The following IGF2BP2 variants were observed in gnomAD, a reference collection of about 807,000 sequenced individuals.
IGF2BP2 encodes insulin like growth factor 2 mRNA binding protein 2.
A neutral mutation model predicts 75.8 loss-of-function variants in IGF2BP2; 17 were observed. The ratio of observed to expected loss-of-function variants is 0.22; its 90% confidence interval spans 0.15 to 0.34. The LOEUF (loss-of-function observed/expected upper bound fraction) is 0.34, where lower values mean the gene tolerates loss of function less well. IGF2BP2 is among the 10% of genes least tolerant of loss of function. IGF2BP2 has a pLI of 1.00. For missense variants in IGF2BP2, 516 were observed against 772.4 expected (o/e 0.67, Z 3.93); for synonymous variants, 288 against 295.6 (o/e 0.97, Z 0.26).
chr3:185,702,898 G>A (rs1723512240), intron 2 of IGF2BP2, among the ~76,000 whole-genome samples: 1 of 152,168 alleles, frequency 6.6e-6, no homozygotes, highest in South Asian at 2.1e-4. Context: ...CATTTTAACT[G>A]GAAGCAGAAT....
At chr3:185,805,061 G>A (rs1416317733) in intron 2 of IGF2BP2, among the ~76,000 whole-genome samples, 5 of 151,992 alleles carry the variant, frequency 3.3e-5, no homozygotes, top group Non-Finnish European at 1.5e-5. Flanking sequence ...CAATGTGATG[G>A]AAAATGCTCA....
intron 2 of IGF2BP2, among the ~76,000 whole-genome samples, chr3:185,751,181 C>T (rs944163807): frequency 6.6e-6 from 1 of 152,016 alleles, no homozygotes; most frequent in African/African-American, 2.4e-5. Flanking sequence ...CCACTGCCTC[C>T]GGCCAAAAAA....
intron 2 of IGF2BP2, among the ~76,000 whole-genome samples, chr3:185,709,905 G>A (rs1724560736): frequency 6.6e-6 from 1 of 152,180 alleles, no homozygotes; most frequent in Non-Finnish European, 1.5e-5. Flanking sequence ...ATTTCACCTG[G>A]ATTCTGGAGA....
chr3:185,738,618 T>C (rs1262474342), intron 2 of IGF2BP2, among the ~76,000 whole-genome samples: 6 of 152,202 alleles, frequency 3.9e-5, no homozygotes, highest in Non-Finnish European at 8.8e-5. Context: ...TTTTATTATA[T>C]GAAGGTTTAG....
Position 185,730,376 on chromosome 3 carries a change from C to T in IGF2BP2, c.240-32029G>A, listed in dbSNP as rs1727983234. On this transcript the variant is annotated intron_variant, in intron 2 of 15. Coordinates refer to ENST00000382199, the MANE Select transcript of IGF2BP2 (RefSeq NM_006548.6). Reference sequence around the variant, plus strand: ...AGTTGATGGGCACCCAGGTTGATTCCACGACTTTGCTATGGTGAACGGTAC... The same window carrying T: ...AGTTGATGGGCACCCAGGTTGATTCTACGACTTTGCTATGGTGAACGGTAC... Among the ~76,000 whole-genome samples, 6 of 151,650 alleles carry T rather than the reference C, an allele frequency of 4.0e-5. No homozygotes were observed. In the South Asian group the frequency reaches 1.3e-3, roughly 32 times the overall value.
chr3:185,680,377 AAAG>A (rs1720189387), intron 7 of IGF2BP2, among the ~76,000 whole-genome samples: 1 of 152,210 alleles, frequency 6.6e-6, no homozygotes, highest in African/African-American at 2.4e-5. Context: ...CCAAACATTT[AAAG>A]AAGAATTATC....
chr3:185,691,492 T>G (rs1329463388), intron 5 of IGF2BP2, among the ~76,000 whole-genome samples: 1 of 152,188 alleles, frequency 6.6e-6, no homozygotes, highest in Non-Finnish European at 1.5e-5. Flanking sequence ...AAGAACACTA[T>G]AATCCTGGGA....
intron 2 of IGF2BP2, among the ~76,000 whole-genome samples, chr3:185,774,338 G>A (rs1300123801): frequency 1.3e-5 from 2 of 152,202 alleles, no homozygotes; most frequent in Middle Eastern, 3.2e-3. Context: ...GTTCCCGCCT[G>A]TAAGGCCTGC....
At chr3:185,658,101 C>A (rs1385046805) in intron 11 of IGF2BP2, among the ~76,000 whole-genome samples, 1 of 152,218 alleles carries the variant, frequency 6.6e-6, no homozygotes, top group Admixed American at 6.5e-5. Context: ...TTCCTGCGAC[C>A]TGTGAGGTGT....
chr3:185,721,236 G>C (rs995076491), intron 2 of IGF2BP2, among the ~76,000 whole-genome samples: 1 of 152,002 alleles, frequency 6.6e-6, no homozygotes, highest in African/African-American at 2.4e-5. Context: ...GTGAGATGGT[G>C]TCTCGATCTG....
At chr3:185,743,148 A>G (rs1339738113) in intron 2 of IGF2BP2, among the ~76,000 whole-genome samples, 2 of 148,508 alleles carry the variant, frequency 1.3e-5, no homozygotes, top group Admixed American at 6.6e-5. Context: ...AAGGCAAACA[A>G]TAAAATTCAT....
At chr3:185,682,275 G>A (rs913800651) in intron 7 of IGF2BP2, among the ~76,000 whole-genome samples, 7 of 152,194 alleles carry the variant, frequency 4.6e-5, no homozygotes, top group African/African-American at 1.7e-4. Context: ...TTAATCACCT[G>A]CATTAATTAA....
chr3:185,690,303 G>GT (rs1721774597), intron 5 of IGF2BP2, among the ~76,000 whole-genome samples: 1 of 151,968 alleles, frequency 6.6e-6, no homozygotes, highest in African/African-American at 2.4e-5. Flanking sequence ...TCAGAAATAT[G>GT]TAAGTGCAAA....
intron 2 of IGF2BP2, among the ~76,000 whole-genome samples, chr3:185,819,688 G>A (rs1578414524): frequency 1.3e-5 from 2 of 152,008 alleles, no homozygotes; most frequent in South Asian, 2.1e-4. Context: ...TCTACACATG[G>A]AATCTATGTA....
chr3:185,823,794 G>A (rs1741669456), intron 1 of IGF2BP2, among the ~76,000 whole-genome samples: 1 of 151,722 alleles, frequency 6.6e-6, no homozygotes, highest in South Asian at 2.1e-4. Flanking sequence ...GGGGGCGCCG[G>A]CCGGGGCCCG....
At chr3:185,802,127 C>T (rs1738369246) in intron 2 of IGF2BP2, among the ~76,000 whole-genome samples, 2 of 151,964 alleles carry the variant, frequency 1.3e-5, no homozygotes, top group African/African-American at 4.8e-5. Context: ...ACATGTATAC[C>T]TATGTAACAA....
chr3:185,789,601 C>G (rs1297991104), intron 2 of IGF2BP2, among the ~76,000 whole-genome samples: 1 of 151,812 alleles, frequency 6.6e-6, no homozygotes, highest in African/African-American at 2.4e-5. Flanking sequence ...TTTCAAGTCC[C>G]TGGTTATGAA....
intron 12 of IGF2BP2, among the ~76,000 whole-genome samples, chr3:185,653,356 C>G (rs889837480): frequency 6.6e-6 from 1 of 152,128 alleles, no homozygotes; most frequent in Non-Finnish European, 1.5e-5. Context: ...TGCAGTGGCT[C>G]ACACCTGTAA....
intron 2 of IGF2BP2, among the ~76,000 whole-genome samples, chr3:185,785,078 A>G (rs1735687708): frequency 6.6e-6 from 1 of 152,184 alleles, no homozygotes; most frequent in South Asian, 2.1e-4. Context: ...GGGCAGGCAG[A>G]TCACTTGAGG....
Sources: allele counts gnomAD v4.1 joint callset (sites outside exome capture counted in the v4.1 genomes callset), GRCh38; gene constraint gnomAD v4.1.1; transcripts MANE v1.5; gene names NCBI Gene and HGNC (gene_info 2026-07-23, HGNC 2026-07-21).